Variants in TLL1 observed in about 807,000 individuals in gnomAD.
The protein encoded by TLL1 is tolloid like 1, also known as tolloid-like protein 1.
In TLL1, 49 loss-of-function variants were observed where a neutral mutation model predicts 128.2. The ratio of observed to expected loss-of-function variants is 0.38; its 90% confidence interval spans 0.30 to 0.48. The LOEUF is 0.48. TLL1 is among the 20% of genes least tolerant of loss of function. TLL1 has a pLI of 0.96. For missense variants in TLL1, 1,123 were observed against 1,242.0 expected (o/e 0.90, Z 1.44); for synonymous variants, 454 against 418.8 (o/e 1.08, Z -1.03).
At chr4:165,905,529 C>T (rs751271688) in intron 1 of TLL1, among the ~76,000 whole-genome samples, 14 of 152,124 alleles carry the variant, frequency 9.2e-5, no homozygotes, top group Non-Finnish European at 1.3e-4. Flanking sequence ...CTAAATTCTT[C>T]CTGGTTATTG....
At position 166,101,826 on chromosome 4, in the gene TLL1, G is replaced by A. The variant is rs1289781520; in HGVS notation, c.*950G>A. ...TATTATTATTGTTGATGTTGTCATGGTTAATCTATTTTTTAAAATTGAAAT... is the reference window on the plus strand; with the variant it reads ...TATTATTATTGTTGATGTTGTCATGATTAATCTATTTTTTAAAATTGAAAT... On this transcript the variant is annotated 3_prime_UTR_variant, in exon 21 of 21. Transcript: ENST00000061240. 1 of 152,370 alleles carries A rather than the reference G, an allele frequency of 6.6e-6. No individual in the cohort carries two copies. Among genetic ancestry groups the A allele is most frequent in the Non-Finnish European group, 1.5e-5 (1 of 67,946 alleles). 9.4% of individuals were successfully genotyped at this position (152,370 alleles called of 1,614,324 possible). A position where few individuals can be genotyped will look rare whatever the true frequency, so the allele number is the denominator to read the frequency against.
intron 12 of TLL1, among the ~76,000 whole-genome samples, chr4:166,045,206 T>G (rs938412497): frequency 6.6e-6 from 1 of 152,234 alleles, no homozygotes; most frequent in Non-Finnish European, 1.5e-5. Context: ...TATTTCTATA[T>G]GTTTCTGCCT....
chr4:165,964,460 T>A (rs1281041499), intron 1 of TLL1, among the ~76,000 whole-genome samples: 1 of 152,236 alleles, frequency 6.6e-6, no homozygotes, highest in Non-Finnish European at 1.5e-5. Flanking sequence ...TTGGGCATGA[T>A]GGACCTAAGA....
intron 9 of TLL1, among the ~76,000 whole-genome samples, chr4:166,029,017 C>T (rs549931373): frequency 6.6e-6 from 1 of 151,872 alleles, no homozygotes; most frequent in East Asian, 1.9e-4. Context: ...TCGTTTAACC[C>T]ATGATGGCAG....
At chr4:165,878,177 G>T (rs1182764617) in intron 1 of TLL1, among the ~76,000 whole-genome samples, 1 of 152,092 alleles carries the variant, frequency 6.6e-6, no homozygotes, top group Non-Finnish European at 1.5e-5. Context: ...CTTTCTAGCT[G>T]AACTGGCCAT....
chr4:166,088,142 T>C (rs1468391302), intron 18 of TLL1, among the ~76,000 whole-genome samples: 1 of 152,192 alleles, frequency 6.6e-6, no homozygotes, highest in Non-Finnish European at 1.5e-5. Context: ...GCTTTATACA[T>C]TCAGCCTTGC....
intron 1 of TLL1, among the ~76,000 whole-genome samples, chr4:165,893,484 C>T (rs72970144): frequency 0.031 from 4,779 of 152,220 alleles, 201 homozygotes; most frequent in East Asian, 0.14. Flanking sequence ...TCCAATGCAG[C>T]TAGAATTTCC....
chr4:165,915,931 G>T lies in TLL1; in HGVS notation c.169+41858G>T, dbSNP rs77624120. 3.0e-3 allele frequency among the ~76,000 whole-genome samples: 454 copies of T among 152,256 alleles called. 4 individuals are homozygous for T. Among genetic ancestry groups the T allele is most frequent in the African/African-American group, 0.01 (421 of 41,558 alleles). On this transcript the variant is annotated intron_variant, in intron 1 of 20. Coordinates refer to ENST00000061240, the MANE Select transcript of TLL1 (RefSeq NM_012464.5). ...TACCATTCAAAATCACTTAAAAAAA[G>T]ATGACTATCCAAAATGCAAACCCGG...
At chr4:165,906,752 A>T (rs911842853) in intron 1 of TLL1, among the ~76,000 whole-genome samples, 2 of 151,582 alleles carry the variant, frequency 1.3e-5, no homozygotes, top group African/African-American at 4.8e-5. Context: ...TGTCTCTTTG[A>T]ATTAGGCCTG....
chr4:166,054,821 A>G (rs965857671), intron 12 of TLL1, among the ~76,000 whole-genome samples: 1 of 151,950 alleles, frequency 6.6e-6, no homozygotes, highest in Non-Finnish European at 1.5e-5. Context: ...AAAGACAACT[A>G]ATTTCTGCTG....
intron 3 of TLL1, among the ~76,000 whole-genome samples, chr4:165,993,485 G>A (rs1480674274): frequency 6.6e-6 from 1 of 151,856 alleles, no homozygotes; most frequent in African/African-American, 2.4e-5. Context: ...TAAATTGATG[G>A]ATTACTAATT....
chr4:165,995,039 T>C, intron 4 of TLL1, 22 bp from the exon 5 acceptor site: 1 of 1,602,278 alleles, frequency 6.2e-7, no homozygotes, highest in Non-Finnish European at 8.6e-7. Flanking sequence ...ACCTTTTCAT[T>C]AACATCACAC....
At position 165,874,001 on chromosome 4, in the gene TLL1, T is replaced by C; in HGVS notation, c.97T>C (p.Tyr33His). The C allele has an allele frequency of 1.9e-6, 3 of 1,614,150 alleles. No homozygotes were observed. The highest frequency in any genetic ancestry group is 2.5e-6 in the Non-Finnish European group (3 of 1,180,028). The change falls in exon 1 of 21, where the codon TAT becomes CAT. Residue 33 changes from tyrosine to histidine, a missense_variant. Around this residue, in one of 3 missense-constraint regions of TLL1, gnomAD observed 480 missense variants for 542.4 expected, o/e 0.89. Transcript: ENST00000061240. ...GELWVCAGLDYDYTFDGNEED... is the reference protein window; with the variant it reads ...GELWVCAGLDHDYTFDGNEED... ...GCTATGGGTCTGCGCTGGCCTCGAT[T>C]ATGATTACACTTTTGATGGGAACGA...
At position 165,878,408 on chromosome 4, in the gene TLL1, C is replaced by A. The variant is rs557358169; in HGVS notation, c.169+4335C>A. ...TTGCCTTGGGTGCCAACTCAGAAGT[C>A]GCCAAAATACAGTGTTTGCAGAAGG... On this transcript the variant is annotated intron_variant, in intron 1 of 20. Transcript: ENST00000061240. 2.0e-5 allele frequency among the ~76,000 whole-genome samples: 3 copies of A among 151,520 alleles called. No individual in the cohort carries two copies. In the South Asian group the frequency reaches 6.3e-4, roughly 32 times the overall value.
intron 1 of TLL1, among the ~76,000 whole-genome samples, chr4:165,941,538 T>C (rs1014727718): frequency 2.1e-4 from 32 of 152,264 alleles, no homozygotes; most frequent in African/African-American, 6.5e-4. Flanking sequence ...TAATATAGTT[T>C]GTAATTCATT....
intron 1 of TLL1, among the ~76,000 whole-genome samples, chr4:165,884,852 AAAAAT>A (rs1243081819): frequency 1.3e-5 from 2 of 152,264 alleles, no homozygotes; most frequent in African/African-American, 2.4e-5. Flanking sequence ...TAATGATAAT[AAAAAT>A]AAAATAAAAT....
At position 166,102,275 on chromosome 4, in the gene TLL1, A is replaced by C. The variant is rs571308931; in HGVS notation, c.*1399A>C. On this transcript the variant is annotated 3_prime_UTR_variant, in exon 21 of 21. Transcript: ENST00000061240. The stretch of plus-strand genomic sequence containing the variant: ...CATTTCCATGACTGAAGCATTGGAT[A>C]TAAATATGGTGTCCTGCTTTTTTTG... 6.6e-6 allele frequency: 1 copy of C among 152,616 alleles called. No homozygotes were observed. The highest frequency in any genetic ancestry group is 2.4e-5 in the African/African-American group (1 of 41,562). 9.5% of individuals were successfully genotyped at this position (152,616 alleles called of 1,614,324 possible).
At chr4:165,995,400 A>G (rs1475212206) in intron 5 of TLL1, among the ~76,000 whole-genome samples, 1 of 147,998 alleles carries the variant, frequency 6.8e-6, no homozygotes. Flanking sequence ...CACCTCAGTT[A>G]CTTTCTAACA....
chr4:165,987,920 T>C (rs1736461398), intron 1 of TLL1, among the ~76,000 whole-genome samples: 1 of 152,186 alleles, frequency 6.6e-6, no homozygotes, highest in African/African-American at 2.4e-5. Flanking sequence ...TGTCACTTTC[T>C]ACGATTTTAA....
Sources: allele counts gnomAD v4.1 joint callset (sites outside exome capture counted in the v4.1 genomes callset), GRCh38; gene constraint gnomAD v4.1.1; regional missense constraint gnomAD v4.1.1; transcripts MANE v1.5; gene names NCBI Gene and HGNC (gene_info 2026-07-23, HGNC 2026-07-21).